The following STAU1 variants were observed in gnomAD, a reference collection of about 807,000 sequenced individuals.
STAU1 encodes staufen double-stranded RNA binding protein 1, also known as double-stranded RNA-binding protein Staufen homolog 1.
Under a neutral mutation model 62.9 loss-of-function variants are expected in STAU1, and 13 were observed. The ratio of observed to expected loss-of-function variants is 0.21; its 90% CI spans 0.13 to 0.33. The LOEUF is 0.33. Among genes scored for constraint, STAU1 ranks in the 10% least tolerant of loss-of-function variants. STAU1 has a pLI of 1.00. For synonymous variants in STAU1, 269 were observed against 265.1 expected (o/e 1.01, Z -0.14); for missense variants, 571 against 712.1 (o/e 0.80, Z 2.25).
the STAU1 span, among the ~76,000 whole-genome samples, chr20:49,218,541 AAAACAAAC>A: frequency 6.6e-5 from 10 of 151,188 alleles, no homozygotes; most frequent in South Asian, 2.1e-4. Context: ...TTTTTAATTA[AAAACAAAC>A]AAACAAACAA....
chr20:49,190,292 G>GT (rs1420480169), upstream of STAU1, among the ~76,000 whole-genome samples: 2 of 151,792 alleles, frequency 1.3e-5, no homozygotes, highest in African/African-American at 4.8e-5. Flanking sequence ...CATCTTTTTT[G>GT]TTTTTTTCTT....
chr20:49,123,780 T>A (rs1004697464), intron 7 of STAU1, among the ~76,000 whole-genome samples: 1 of 152,194 alleles, frequency 6.6e-6, no homozygotes, highest in Non-Finnish European at 1.5e-5. Flanking sequence ...AAACAAAAGG[T>A]ATACATAGTA....
the STAU1 span, among the ~76,000 whole-genome samples, chr20:49,216,835 A>G: frequency 6.6e-6 from 1 of 152,288 alleles, no homozygotes; most frequent in South Asian, 2.1e-4. Context: ...ACCTCCAAGG[A>G]TCTCAGAAGA....
In STAU1 at chr20:49,117,171, C is replaced by G. The variant is rs770244577; in HGVS notation, c.1587G>C (p.Leu529=). 1 of 1,614,142 alleles carries G rather than the reference C, an allele frequency of 6.2e-7. No homozygotes were observed. Among genetic ancestry groups the G allele is most frequent in the South Asian group, 1.1e-5 (1 of 91,070 alleles). ...SLINCSSQPP[L]ISHGIGKDVE... is the part of the protein sequence containing the mutation. Reference sequence around the variant, plus strand: ...CATCCTTGCCGATACCATGGCTGATCAGAGGTGGCTGAGAGGAGCAATTGA... The same window carrying G: ...CATCCTTGCCGATACCATGGCTGATGAGAGGTGGCTGAGAGGAGCAATTGA... The change falls in exon 12 of 14, where the codon CTG becomes CTC. Residue 529 remains leucine, a synonymous_variant. Transcript: ENST00000371856. This position sits in a 1 kb window ranked among gnomAD's most constrained non-coding sequence, Gnocchi z 4.6.
At chr20:49,156,657 C>A (rs1248922639) in intron 3 of STAU1, among the ~76,000 whole-genome samples, 1 of 152,122 alleles carries the variant, frequency 6.6e-6, no homozygotes, top group Non-Finnish European at 1.5e-5. Context: ...CAAGTGTCAG[C>A]AGTACTGTAA....
intron 5 of STAU1, 46 bp from the exon 6 acceptor site, chr20:49,135,977 A>G (rs2092874367): frequency 6.8e-7 from 1 of 1,469,260 alleles, no homozygotes; most frequent in Non-Finnish European, 9.4e-7. Flanking sequence ...AAAATAGTCA[A>G]TGGCCAGGTG....
chr20:49,219,271 A>G, the STAU1 span: 2,344 of 1,405,980 alleles, frequency 1.7e-3, 31 homozygotes, highest in African/African-American at 0.03. Flanking sequence ...GTCACACGAA[A>G]CCAACCACGC....
chr20:49,195,925 G>GAAAAAAAA, the STAU1 span, among the ~76,000 whole-genome samples: 14 of 93,704 alleles, frequency 1.5e-4, no homozygotes, highest in South Asian at 4.4e-4. Flanking sequence ...AAAGAAAAAA[G>GAAAAAAAA]AAAAAAAAAA....
intron 6 of STAU1, among the ~76,000 whole-genome samples, chr20:49,131,521 A>G (rs1053546386): frequency 6.6e-6 from 1 of 152,162 alleles, no homozygotes; most frequent in Non-Finnish European, 1.5e-5. Flanking sequence ...AAAGTAAAAA[A>G]CAGAAAATAA....
At chr20:49,191,303 A>G (rs1368924230), upstream of STAU1, among the ~76,000 whole-genome samples, 1 of 152,174 alleles carries the variant, frequency 6.6e-6, no homozygotes, top group Non-Finnish European at 1.5e-5. Flanking sequence ...CTGGGATTAC[A>G]AGTGTGAATG....
chr20:49,135,447 C>T (rs186577556), intron 6 of STAU1, among the ~76,000 whole-genome samples: 1 of 152,260 alleles, frequency 6.6e-6, no homozygotes, highest in East Asian at 1.9e-4. Flanking sequence ...AAACTGAGTC[C>T]TTTTCAAAAT....
intron 6 of STAU1, among the ~76,000 whole-genome samples, chr20:49,125,203 A>AAAAAAAC: frequency 1.1e-5 from 1 of 88,708 alleles, no homozygotes; most frequent in African/African-American, 4.8e-5. Flanking sequence ...TTTTGCAAAA[A>AAAAAAAC]AAAAAAAAAA....
chr20:49,132,798 T>C (rs1003540014), intron 6 of STAU1, among the ~76,000 whole-genome samples: 3 of 152,142 alleles, frequency 2.0e-5, no homozygotes, highest in African/African-American at 7.2e-5. Flanking sequence ...AAGCTGTATA[T>C]ATTTTTCCAA....
At chr20:49,120,813 TAGAC>T (rs2092448421) in intron 8 of STAU1, among the ~76,000 whole-genome samples, 1 of 152,160 alleles carries the variant, frequency 6.6e-6, no homozygotes. Context: ...TTTTTTGGGA[TAGAC>T]AGGGTCTCAC....
chr20:49,209,719 G>T, the STAU1 span, among the ~76,000 whole-genome samples: 1 of 151,970 alleles, frequency 6.6e-6, no homozygotes, highest in Non-Finnish European at 1.5e-5. Flanking sequence ...CTGCAGCCTG[G>T]GCAACAAGAG....
At chr20:49,179,886 C>T (rs1568939766) in intron 1 of STAU1, among the ~76,000 whole-genome samples, 1 of 152,186 alleles carries the variant, frequency 6.6e-6, no homozygotes, top group Non-Finnish European at 1.5e-5. Context: ...ATGAGACATG[C>T]TATGTCATTA....
chr20:49,195,904 AAAAAAAAAAAAAAG>A, the STAU1 span, among the ~76,000 whole-genome samples: 1 of 95,278 alleles, frequency 1.0e-5, no homozygotes, highest in Admixed American at 1.6e-4. Flanking sequence ...CTCTCAAAAA[AAAAAAAAAAAAAAG>A]AAAAAAGAAA....
chr20:49,123,138 A>C lies in STAU1; in HGVS notation c.920T>G (p.Leu307Arg). 6.2e-7 allele frequency: 1 copy of C among 1,613,994 alleles called. No individual in the cohort carries two copies. Among genetic ancestry groups the C allele is most frequent in the African/African-American group, 1.3e-5 (1 of 75,024 alleles). The part of the protein sequence containing the change: ...AKKEKEPEYT[L>R]LTERGLPRRR... ...GCGCGGGAGGCCTCGCTCTGTGAGG[A>C]GCGTGTACTCTGGCTCCTTCTCCTT... The change falls in exon 8 of 14, where the codon CTC becomes CGC. Residue 307 changes from leucine to arginine, a missense_variant. Transcript: ENST00000371856.
intron 3 of STAU1, among the ~76,000 whole-genome samples, chr20:49,163,681 C>T (rs1051847365): frequency 6.6e-6 from 1 of 152,158 alleles, no homozygotes; most frequent in Non-Finnish European, 1.5e-5. Flanking sequence ...CTGCCTTGGC[C>T]TCCCAAGTGC....
Sources: allele counts gnomAD v4.1 joint callset (sites outside exome capture counted in the v4.1 genomes callset), GRCh38; gene constraint gnomAD v4.1.1; non-coding constraint Gnocchi (gnomAD v3.1); transcripts MANE v1.5; gene names NCBI Gene and HGNC (gene_info 2026-07-23, HGNC 2026-07-21).